The following KHDRBS2 variants were observed in gnomAD, a reference collection of about 807,000 sequenced individuals.
KHDRBS2 encodes KH domain-containing, RNA-binding, signal transduction-associated protein 2.
In KHDRBS2, 26 loss-of-function variants were observed where a neutral mutation model predicts 44.3. The ratio of observed to expected loss-of-function variants is 0.59; its 90% CI spans 0.43 to 0.81. The LOEUF is 0.81. Ranked by LOEUF, KHDRBS2 falls within the 40% of genes least tolerant of loss-of-function variation. The probability of loss-of-function intolerance (pLI) is 0.00; values close to 1 mark genes in which losing one functional copy is unlikely to be tolerated. For missense variants in KHDRBS2, 476 were observed against 433.1 expected, an observed-to-expected ratio of 1.10 and a Z score of -0.88; for synonymous variants, 194 against 151.1, an observed-to-expected ratio of 1.28 and a Z score of -2.08.
At chr6:62,140,278 C>G (rs1461539521) in intron 2 of KHDRBS2, among the ~76,000 whole-genome samples, 1 of 152,046 alleles carries the variant, frequency 6.6e-6, no homozygotes, top group African/African-American at 2.4e-5. Context: ...TAGGAGATAA[C>G]AAGAGATGAG....
At chr6:61,861,695 G>T (rs1797004146) in intron 6 of KHDRBS2, among the ~76,000 whole-genome samples, 1 of 151,098 alleles carries the variant, frequency 6.6e-6, no homozygotes. Flanking sequence ...TGGCTATTCA[G>T]GCTCTTTTGG....
chr6:62,089,202 C>T (rs1470658963), intron 2 of KHDRBS2, among the ~76,000 whole-genome samples: 1 of 147,616 alleles, frequency 6.8e-6, no homozygotes, highest in African/African-American at 2.5e-5. Flanking sequence ...GGCTCCCTGG[C>T]TTCAGTCCCC....
rs374078397 is a variant in KHDRBS2 at position 61,720,206 on chromosome 6, T to C, written c.893+12476A>G. Among the ~76,000 whole-genome samples the C allele has an allele frequency of 2.0e-4, 31 of 152,202 alleles. 1 individual carries two copies. The highest frequency in any genetic ancestry group is 1.9e-3 in the East Asian group (10 of 5,192). On this transcript the variant is annotated intron_variant, in intron 7 of 8. Coordinates refer to ENST00000281156, the MANE Select transcript of KHDRBS2 (RefSeq NM_152688.4). Reference sequence around the variant, plus strand: ...TGGACATTTGGGTTGGTTCCAAGTCTTTGCTATTGTGAATAATGCCGCAAT... The same window carrying C: ...TGGACATTTGGGTTGGTTCCAAGTCCTTGCTATTGTGAATAATGCCGCAAT...
chr6:62,123,946 G>A (rs1172292494), intron 2 of KHDRBS2, among the ~76,000 whole-genome samples: 1 of 152,198 alleles, frequency 6.6e-6, no homozygotes, highest in Non-Finnish European at 1.5e-5. Flanking sequence ...TTGGTAACAT[G>A]CAGAATAGAT....
At chr6:61,967,134 A>T (rs1342465875) in intron 4 of KHDRBS2, among the ~76,000 whole-genome samples, 2 of 151,572 alleles carry the variant, frequency 1.3e-5, no homozygotes, top group East Asian at 3.9e-4. Context: ...ATAACAAGAC[A>T]CATGAAATTA....
At chr6:61,891,448 A>C (rs1372239288) in intron 6 of KHDRBS2, among the ~76,000 whole-genome samples, 1 of 152,144 alleles carries the variant, frequency 6.6e-6, no homozygotes, top group African/African-American at 2.4e-5. Flanking sequence ...CTGGCCTCAT[A>C]AAATGAGTTA....
chr6:62,133,687 G>A (rs1361031086), intron 2 of KHDRBS2, among the ~76,000 whole-genome samples: 1 of 152,176 alleles, frequency 6.6e-6, no homozygotes, highest in Non-Finnish European at 1.5e-5. Context: ...GCTTCCTAGA[G>A]ACTTGTTAAA....
chr6:62,000,460 A>G (rs73483214), intron 3 of KHDRBS2, among the ~76,000 whole-genome samples: 1 of 152,312 alleles, frequency 6.6e-6, no homozygotes, highest in African/African-American at 2.4e-5. Context: ...AAGAATAAGC[A>G]ACAATGAGAT....
intron 7 of KHDRBS2, 48 bp downstream of exon 7, chr6:61,732,634 G>T (rs1215251039): frequency 1.9e-6 from 2 of 1,061,458 alleles, no homozygotes; most frequent in Non-Finnish European, 2.9e-6. Flanking sequence ...AAACAAAATT[G>T]ATTAGAGATA....
At chr6:61,752,210 G>C (rs1418529784) in intron 6 of KHDRBS2, among the ~76,000 whole-genome samples, 1 of 152,116 alleles carries the variant, frequency 6.6e-6, no homozygotes, top group Non-Finnish European at 1.5e-5. Context: ...TGGAGATGGG[G>C]TTTGGGCCAA....
At chr6:61,861,504 G>A (rs1010873466) in intron 6 of KHDRBS2, among the ~76,000 whole-genome samples, 1 of 152,044 alleles carries the variant, frequency 6.6e-6, no homozygotes, top group Non-Finnish European at 1.5e-5. Context: ...GGTCAGGTTT[G>A]TCAAAGATAT....
At chr6:62,135,085 T>C (rs1811213471) in intron 2 of KHDRBS2, among the ~76,000 whole-genome samples, 1 of 152,296 alleles carries the variant, frequency 6.6e-6, no homozygotes, top group Admixed American at 6.5e-5. Flanking sequence ...TGCAGAATGA[T>C]ATGGTTTGGC....
intron 2 of KHDRBS2, among the ~76,000 whole-genome samples, chr6:62,090,450 C>G (rs1334039061): frequency 6.6e-6 from 1 of 152,008 alleles, no homozygotes; most frequent in Non-Finnish European, 1.5e-5. Context: ...AATTCAGTGT[C>G]AAAACAAATT....
intron 3 of KHDRBS2, among the ~76,000 whole-genome samples, chr6:62,018,299 ATGTGTGTGTGTGTGTGTG>A (rs57360690): frequency 0.026 from 3,750 of 146,024 alleles, 159 homozygotes; most frequent in African/African-American, 0.084. Context: ...ATATATATAT[ATGTGTGTGTGTGTGTGTG>A]TGTGTGTGTG....
intron 8 of KHDRBS2, among the ~76,000 whole-genome samples, chr6:61,691,190 A>G (rs1254193682): frequency 2.0e-5 from 3 of 152,140 alleles, no homozygotes; most frequent in Non-Finnish European, 4.4e-5. Context: ...TGTTGGATTA[A>G]GGAGTGCATT....
chr6:62,179,552 C>T (rs1017220203), intron 1 of KHDRBS2, among the ~76,000 whole-genome samples: 1 of 151,758 alleles, frequency 6.6e-6, no homozygotes, highest in Non-Finnish European at 1.5e-5. Flanking sequence ...TGGGTGTATA[C>T]ACCTACATAA....
chr6:62,013,863 A>G (rs1372058027), intron 3 of KHDRBS2, among the ~76,000 whole-genome samples: 1 of 152,194 alleles, frequency 6.6e-6, no homozygotes, highest in Non-Finnish European at 1.5e-5. Flanking sequence ...TGATGTGGCA[A>G]ATCGCAGAAC....
At chr6:61,827,905 A>G (rs1031093402) in intron 6 of KHDRBS2, among the ~76,000 whole-genome samples, 7 of 152,136 alleles carry the variant, frequency 4.6e-5, no homozygotes, top group African/African-American at 1.4e-4. Flanking sequence ...ACATTGGAGG[A>G]TAGGAGTTCA....
chr6:61,948,664 A>G (rs1373529316), intron 4 of KHDRBS2, among the ~76,000 whole-genome samples: 1 of 145,888 alleles, frequency 6.9e-6, no homozygotes, highest in African/African-American at 2.5e-5. Flanking sequence ...CATTATTATT[A>G]TTATTATTAT....
Sources: gnomAD v4.1 joint callset for allele counts (sites outside exome capture counted in the v4.1 genomes callset) on GRCh38, gnomAD v4.1.1 for gene constraint, MANE v1.5 for transcripts, NCBI Gene and HGNC (gene_info 2026-07-23, HGNC 2026-07-21) for gene names.